Variants in JAKMIP1 observed in about 807,000 individuals in gnomAD.
JAKMIP1 encodes janus kinase and microtubule interacting protein 1.
Under a neutral mutation model 113.0 loss-of-function variants are expected in JAKMIP1, and 33 were observed. The observed-to-expected ratio is 0.29, with a 90% CI of 0.22 to 0.39. JAKMIP1 has a LOEUF of 0.39. JAKMIP1 is among the 10% of genes least tolerant of loss of function. The pLI, the probability that JAKMIP1 is intolerant of heterozygous loss-of-function variation, is 1.00. For missense variants in JAKMIP1, 813 were observed against 1,080.5 expected (o/e 0.75, Z 3.47); for synonymous variants, 480 against 459.9 (o/e 1.04, Z -0.56).
rs1726680197 is a variant in JAKMIP1, at chr4:6,186,603, T to C, written c.-148+13650A>G. 6.6e-6 allele frequency among the ~76,000 whole-genome samples: 1 copy of C among 152,198 alleles called. No individual in the cohort carries two copies. Among genetic ancestry groups the C allele is most frequent in the Non-Finnish European group, 1.5e-5 (1 of 68,046 alleles). On this transcript the variant is annotated intron_variant, in intron 1 of 20. Coordinates refer to ENST00000409021, the MANE Select transcript of JAKMIP1 (RefSeq NM_001099433.2). This position sits in a 1 kb window ranked among gnomAD's most constrained non-coding sequence, Gnocchi z 5.5. ...GTATTAGGGCCTAGCATATGGTCTA[T>C]CCTGGAAAATGATTCATGGGCACTA...
intron 1 of JAKMIP1, among the ~76,000 whole-genome samples, chr4:6,124,322 C>A (rs565244099): frequency 2.0e-5 from 3 of 152,190 alleles, no homozygotes; most frequent in Admixed American, 1.3e-4. Flanking sequence ...ATAGAAATGA[C>A]GGCAGAGCTG....
rs1436318983 is a variant in JAKMIP1 at position 6,193,150 on chromosome 4, C to T, written c.-148+7103G>A. 6.6e-6 allele frequency among the ~76,000 whole-genome samples: 1 copy of T among 152,134 alleles called. No individual in the cohort carries two copies. Among genetic ancestry groups the T allele is most frequent in the East Asian group, 1.9e-4 (1 of 5,172 alleles). ...TCTCCCATGCTGGATGCTTCCTGCCCTCGGACATCAGACTGCAAGTTCTTC... is the reference window on the plus strand; with the variant it reads ...TCTCCCATGCTGGATGCTTCCTGCCTTCGGACATCAGACTGCAAGTTCTTC... On this transcript the variant is annotated intron_variant, in intron 1 of 20. Coordinates refer to ENST00000409021, the MANE Select transcript of JAKMIP1 (RefSeq NM_001099433.2). This position sits in a 1 kb window ranked among gnomAD's most constrained non-coding sequence, Gnocchi z 6.4.
rs1722006687 is a variant in JAKMIP1, at chr4:6,154,586, A to G, written c.-147-41589T>C. ...GGCAATACCGAAAAGGCAGACACCA[A>G]GAAACTTAGCAAGGCTTCCAAGAGC... On this transcript the variant is annotated intron_variant, in intron 1 of 20. Coordinates refer to ENST00000409021, the MANE Select transcript of JAKMIP1 (RefSeq NM_001099433.2). The surrounding 1 kb of genome is among the most constrained non-coding windows in gnomAD (Gnocchi z 4.2). 6.6e-6 allele frequency among the ~76,000 whole-genome samples: 1 copy of G among 151,998 alleles called. No individual in the cohort carries two copies. Among genetic ancestry groups the G allele is most frequent in the African/African-American group, 2.4e-5 (1 of 41,384 alleles).
At chr4:6,082,326 T>C (rs563962738) in intron 5 of JAKMIP1, among the ~76,000 whole-genome samples, 1 of 152,098 alleles carries the variant, frequency 6.6e-6, no homozygotes, top group Admixed American at 6.5e-5. Context: ...GGTTGAAATA[T>C]AAAATGTACC....
intron 8 of JAKMIP1, among the ~76,000 whole-genome samples, chr4:6,072,998 C>T (rs1051929134): frequency 4.0e-5 from 6 of 151,306 alleles, no homozygotes; most frequent in Middle Eastern, 3.4e-3. Flanking sequence ...TGGTTGAACC[C>T]GGGAGGCGGA....
chr4:6,029,026 T>C (rs547262801), intron 20 of JAKMIP1, among the ~76,000 whole-genome samples: 1 of 152,300 alleles, frequency 6.6e-6, no homozygotes, highest in South Asian at 2.1e-4. Flanking sequence ...AATACCATGA[T>C]AAAACTGCTT....
rs1408191358 is a variant in JAKMIP1 at position 6,138,156 on chromosome 4, G to A, written c.-147-25159C>T. Among the ~76,000 whole-genome samples, 1 of 152,240 alleles carries A rather than the reference G, an allele frequency of 6.6e-6. No homozygotes were observed. The highest frequency in any genetic ancestry group is 2.4e-5 in the African/African-American group (1 of 41,468). On this transcript the variant is annotated intron_variant, in intron 1 of 20. Transcript: ENST00000409021. This position sits in a 1 kb window ranked among gnomAD's most constrained non-coding sequence, Gnocchi z 6.0. ...CCTGTGCTCCGTCCCTCTACTTAAA[G>A]TAGCTGGACAGAGTGGCTTCTGTTA...
intron 5 of JAKMIP1, among the ~76,000 whole-genome samples, chr4:6,084,487 T>C (rs1159038999): frequency 6.6e-6 from 1 of 152,192 alleles, no homozygotes; most frequent in Non-Finnish European, 1.5e-5. Flanking sequence ...TGTATAAATA[T>C]TCCATAATCA....
intron 3 of JAKMIP1, among the ~76,000 whole-genome samples, chr4:6,090,327 G>A (rs568946769): frequency 3.3e-5 from 5 of 152,256 alleles, no homozygotes; most frequent in Admixed American, 6.5e-5. Flanking sequence ...AAGAAATGCC[G>A]AGGACTGCCG....
At chr4:6,047,192 AG>A (rs1553805811) in intron 16 of JAKMIP1, among the ~76,000 whole-genome samples, 1 of 152,226 alleles carries the variant, frequency 6.6e-6, no homozygotes. Flanking sequence ...CCAAGACGCA[AG>A]CCAGGAGAGG....
chr4:6,102,805 C>T (rs1217853906), intron 3 of JAKMIP1, among the ~76,000 whole-genome samples: 1 of 133,194 alleles, frequency 7.5e-6, no homozygotes, highest in Non-Finnish European at 1.5e-5. Context: ...GCGATCTCAG[C>T]TCACTGCAAG....
At chr4:6,078,835 T>C in intron 8 of JAKMIP1, 104 bp downstream of exon 8, 1 of 1,037,170 alleles carries the variant, frequency 9.6e-7, no homozygotes, top group East Asian at 2.4e-5. Context: ...TGTGTGTGTC[T>C]GCTTCAGGAC....
At chr4:6,163,287 G>A (rs73075475) in intron 1 of JAKMIP1, among the ~76,000 whole-genome samples, 6,466 of 151,660 alleles carry the variant, frequency 0.043, 416 homozygotes, top group African/African-American at 0.14. Flanking sequence ...AGCCCACCTC[G>A]TGTCTCTGTG....
At chr4:6,066,773 A>T (rs16838178) in intron 8 of JAKMIP1, among the ~76,000 whole-genome samples, 1 of 151,354 alleles carries the variant, frequency 6.6e-6, no homozygotes, top group Non-Finnish European at 1.5e-5. Context: ...AGCCACCAAT[A>T]TCTCTCTCTC....
intron 1 of JAKMIP1, among the ~76,000 whole-genome samples, chr4:6,119,692 A>G (rs894446183): frequency 1.3e-5 from 2 of 151,832 alleles, no homozygotes; most frequent in Non-Finnish European, 2.9e-5. Flanking sequence ...GTGTGATCTC[A>G]TCAAGAAACC....
At chr4:6,122,865 G>A (rs929185150) in intron 1 of JAKMIP1, among the ~76,000 whole-genome samples, 2 of 152,154 alleles carry the variant, frequency 1.3e-5, no homozygotes, top group Admixed American at 6.5e-5. Flanking sequence ...TCTCCTCTCT[G>A]TGCCTCAATT....
intron 18 of JAKMIP1, among the ~76,000 whole-genome samples, chr4:6,039,294 GA>G (rs1157341937): frequency 6.6e-6 from 1 of 152,112 alleles, no homozygotes; most frequent in African/African-American, 2.4e-5. Context: ...GATGTCCCTT[GA>G]AAAAAGGTCC....
intron 12 of JAKMIP1, among the ~76,000 whole-genome samples, chr4:6,056,227 A>G (rs908191569): frequency 7.2e-6 from 1 of 138,668 alleles, no homozygotes; most frequent in Non-Finnish European, 1.5e-5. Context: ...CCCAGAGGAG[A>G]GAACCTGCCC....
In JAKMIP1 at chr4:6,042,947, C is replaced by A. The variant is rs1302812463; in HGVS notation, c.2029-720G>T. On this transcript the variant is annotated intron_variant, in intron 16 of 20. Coordinates refer to ENST00000409021, the MANE Select transcript of JAKMIP1 (RefSeq NM_001099433.2). This position sits in a 1 kb window ranked among gnomAD's most constrained non-coding sequence, Gnocchi z 5.2. ...GCAGGTAAGGGAGTGGGAGCTCTGT[C>A]CACGTTCCCTCTGGGGTCTGGGCTG... Among the ~76,000 whole-genome samples the A allele has an allele frequency of 2.6e-5, 4 of 151,994 alleles. No homozygotes were observed. The highest frequency in any genetic ancestry group is 5.9e-5 in the Non-Finnish European group (4 of 67,988).
Sources: allele counts gnomAD v4.1 joint callset (sites outside exome capture counted in the v4.1 genomes callset), GRCh38; gene constraint gnomAD v4.1.1; non-coding constraint Gnocchi (gnomAD v3.1); transcripts MANE v1.5; gene names NCBI Gene and HGNC (gene_info 2026-07-23, HGNC 2026-07-21).